DOCK3: variants seen among roughly 807,000 people sequenced by gnomAD.
The protein encoded by DOCK3 is dedicator of cytokinesis protein 3.
In DOCK3, 60 loss-of-function variants were observed where a neutral mutation model predicts 265.6. That is an observed-to-expected ratio of 0.23 (90% CI 0.18 to 0.28). The LOEUF (loss-of-function observed/expected upper bound fraction) is 0.28. DOCK3 is among the 10% of genes least tolerant of loss of function. DOCK3 has a pLI of 1.00. For missense variants in DOCK3, 1,981 were observed against 2,594.3 expected (o/e 0.76, Z 5.14); for synonymous variants, 881 against 938.0 (o/e 0.94, Z 1.11).
At chr3:51,231,714 T>C (rs1344596828) in intron 19 of DOCK3, among the ~76,000 whole-genome samples, 1 of 152,206 alleles carries the variant, frequency 6.6e-6, no homozygotes, top group Non-Finnish European at 1.5e-5. Flanking sequence ...AGGTTGTCTG[T>C]TTACTCTGTT....
intron 5 of DOCK3, among the ~76,000 whole-genome samples, chr3:51,027,251 G>T (rs1575812139): frequency 6.6e-6 from 1 of 151,932 alleles, no homozygotes; most frequent in East Asian, 1.9e-4. Context: ...ATGTATTTGT[G>T]TGGTTTTGAG....
chr3:51,337,434 C>T (rs749702600), intron 35 of DOCK3, among the ~76,000 whole-genome samples: 7 of 152,310 alleles, frequency 4.6e-5, no homozygotes, highest in Non-Finnish European at 8.8e-5. Context: ...GCCAAAGACA[C>T]TCTCCAACCT....
At position 51,305,729 on chromosome 3, in the gene DOCK3, T is replaced by TGC. The variant is rs770018677; in HGVS notation, c.2923-4502_2923-4501insCG. ...GTGTGTGTGTGTCTGTGTGTGTGTG[T>TGC]GTGCGCGTGTGTGTGTGTGTGTGTG... On this transcript the variant is annotated intron_variant, in intron 27 of 52. Transcript: ENST00000266037. Among the ~76,000 whole-genome samples the TGC allele has an allele frequency of 7.7e-4, 39 of 50,798 alleles. No individual in the cohort carries two copies. The East Asian group carries it at 0.017, about 23-fold the overall frequency. 33.3% of individuals were successfully genotyped at this position (50,798 alleles called of 152,430 possible). A position where few individuals can be genotyped will look rare whatever the true frequency, so the allele number is the denominator to read the frequency against.
intron 5 of DOCK3, among the ~76,000 whole-genome samples, chr3:50,980,339 T>C (rs2077643881): frequency 6.6e-6 from 1 of 152,210 alleles, no homozygotes; most frequent in South Asian, 2.1e-4. Flanking sequence ...CTTTTTGATG[T>C]GTTGTTGCAT....
chr3:50,996,671 G>A (rs748049396), intron 5 of DOCK3, among the ~76,000 whole-genome samples: 1 of 151,846 alleles, frequency 6.6e-6, no homozygotes, highest in Non-Finnish European at 1.5e-5. Flanking sequence ...ACTGTGTAAC[G>A]CTAGCCTAAA....
At chr3:51,103,130 A>G (rs2083148337) in intron 9 of DOCK3, among the ~76,000 whole-genome samples, 1 of 152,232 alleles carries the variant, frequency 6.6e-6, no homozygotes, top group South Asian at 2.1e-4. Context: ...ACCTAAATAT[A>G]TAAAACGATA....
intron 22 of DOCK3, among the ~76,000 whole-genome samples, chr3:51,251,911 G>A (rs1003343285): frequency 2.6e-5 from 4 of 152,128 alleles, no homozygotes; most frequent in African/African-American, 7.2e-5. Context: ...ATTACTTTTG[G>A]TGTTTTAGAC....
chr3:50,855,438 G>C (rs2046541009), intron 3 of DOCK3, among the ~76,000 whole-genome samples: 1 of 152,066 alleles, frequency 6.6e-6, no homozygotes, highest in Non-Finnish European at 1.5e-5. Flanking sequence ...AAATGGGATT[G>C]AGTTCTTGAT....
At chr3:51,107,875 C>T (rs1474844685) in intron 9 of DOCK3, among the ~76,000 whole-genome samples, 1 of 152,088 alleles carries the variant, frequency 6.6e-6, no homozygotes, top group Non-Finnish European at 1.5e-5. Flanking sequence ...ATCCCCAGTA[C>T]ATGTAAGTCA....
chr3:51,007,888 C>T (rs532349260), intron 5 of DOCK3, among the ~76,000 whole-genome samples: 18 of 152,246 alleles, frequency 1.2e-4, no homozygotes, highest in African/African-American at 3.4e-4. Context: ...ATCCTTTCCC[C>T]GTTTCTTGTT....
intron 5 of DOCK3, among the ~76,000 whole-genome samples, chr3:50,948,836 A>T (rs938591057): frequency 2.0e-5 from 3 of 152,210 alleles, no homozygotes. Flanking sequence ...AAAACTCAGA[A>T]GAACAAAGCT....
At chr3:51,021,836 T>A (rs1054614056) in intron 5 of DOCK3, among the ~76,000 whole-genome samples, 1 of 151,918 alleles carries the variant, frequency 6.6e-6, no homozygotes, top group Non-Finnish European at 1.5e-5. Flanking sequence ...TAATTTTTTG[T>A]ATTTTTAGTA....
intron 4 of DOCK3, among the ~76,000 whole-genome samples, chr3:50,906,844 C>T (rs1050187473): frequency 3.3e-5 from 5 of 151,714 alleles, no homozygotes; most frequent in African/African-American, 4.8e-5. Context: ...TTAATTGTGA[C>T]GTTAGGGTGT....
chr3:51,098,451 A>G (rs2082954947), intron 9 of DOCK3, among the ~76,000 whole-genome samples: 1 of 152,204 alleles, frequency 6.6e-6, no homozygotes, highest in Admixed American at 6.5e-5. Context: ...TCTATAATTG[A>G]AATAGAGGGC....
At chr3:51,184,712 G>A (rs779122401) in intron 12 of DOCK3, among the ~76,000 whole-genome samples, 1 of 152,162 alleles carries the variant, frequency 6.6e-6, no homozygotes, top group African/African-American at 2.4e-5. Context: ...AGCCATCAAG[G>A]AGGTGGAGCA....
At position 51,348,884 on chromosome 3, in the gene DOCK3, G is replaced by T; in HGVS notation, c.3948G>T (p.Glu1316Asp). The change falls in exon 39 of 53, where the codon GAG becomes GAT. Residue 1316 changes from glutamate (E) to aspartate (D), a missense_variant. By Grantham distance (45) the Glu-to-Asp change is conservative (BLOSUM62 2). Transcript: ENST00000266037. ...SWEFGIPLCR[E>D]LACQYESLYD... ...AGTTTGGGATCCCACTGTGCAGGGA[G>T]CTGGCGTGTCAGTACGAGAGCCTCT... 1 of 1,585,560 alleles carries T rather than the reference G, an allele frequency of 6.3e-7. No homozygotes were observed. Among genetic ancestry groups the T allele is most frequent in the Non-Finnish European group, 8.6e-7 (1 of 1,165,726 alleles).
chr3:51,135,167 A>C (rs1205793824), intron 9 of DOCK3, among the ~76,000 whole-genome samples: 1 of 152,186 alleles, frequency 6.6e-6, no homozygotes, highest in Non-Finnish European at 1.5e-5. Flanking sequence ...CAGTATGTAT[A>C]CCCAAAATTT....
intron 12 of DOCK3, among the ~76,000 whole-genome samples, chr3:51,205,812 AT>A (rs1350358336): frequency 6.6e-6 from 1 of 152,254 alleles, no homozygotes; most frequent in East Asian, 1.9e-4. Flanking sequence ...TTGAAGGTAA[AT>A]TGATGCCTTT....
Position 51,374,650 on chromosome 3 carries a change from T to C in DOCK3, c.5412+63T>C. 1.4e-6 allele frequency: 2 copies of C among 1,474,058 alleles called. No individual in the cohort carries two copies. Among genetic ancestry groups the C allele is most frequent in the Admixed American group, 1.9e-5 (1 of 52,060 alleles). 91.3% of individuals were successfully genotyped at this position (1,474,058 alleles called of 1,614,324 possible). A position where few individuals can be genotyped will look rare whatever the true frequency, so the allele number is the denominator to read the frequency against. ...GTGTGTTAGCCTGTGCTTCCCTCCT[T>C]GCATTTGCGGGGCCTTCTGCATTGT... On this transcript the variant is annotated intron_variant, in intron 50 of 52. Transcript: ENST00000266037. The surrounding 1 kb of genome is among the most constrained non-coding windows in gnomAD (Gnocchi z 4.8).
Sources: allele counts gnomAD v4.1 joint callset (sites outside exome capture counted in the v4.1 genomes callset), GRCh38; gene constraint gnomAD v4.1.1; non-coding constraint Gnocchi (gnomAD v3.1); transcripts MANE v1.5; gene names NCBI Gene and HGNC (gene_info 2026-07-23, HGNC 2026-07-21).